Variants in PPP1R16B observed in about 807,000 individuals in gnomAD.
The protein encoded by PPP1R16B is protein phosphatase 1 regulatory inhibitor subunit 16B.
PPP1R16B carries 14 observed loss-of-function variants against 61.7 expected under a neutral mutation model. That is an observed-to-expected ratio of 0.23 (90% CI 0.15 to 0.35). The LOEUF is 0.35. Ranked by LOEUF, PPP1R16B falls within the 10% of genes least tolerant of loss-of-function variation. PPP1R16B has a pLI of 1.00. For missense variants in PPP1R16B, 547 were observed against 752.5 expected, an observed-to-expected ratio of 0.73 and a Z score of 3.19; for synonymous variants, 266 against 305.3, an observed-to-expected ratio of 0.87 and a Z score of 1.34.
chr20:38,828,301 G>A (rs1474857047), intron 1 of PPP1R16B, among the ~76,000 whole-genome samples: 1 of 152,168 alleles, frequency 6.6e-6, no homozygotes, highest in Non-Finnish European at 1.5e-5. Context: ...CAGGCCTGAA[G>A]AGCCAAGAAA....
intron 2 of PPP1R16B, among the ~76,000 whole-genome samples, chr20:38,845,315 C>T (rs141085072): frequency 1.1e-4 from 16 of 152,056 alleles, no homozygotes; most frequent in Non-Finnish European, 1.6e-4. Context: ...AATGTGGTGG[C>T]TCATGCCTGT....
rs1283809481 is a variant in PPP1R16B at position 38,923,009 on chromosome 20, A to G, written c.*4343A>G. Reference sequence around the variant, plus strand: ...AAGAGTTTTTAATTAAAATTATTAAATTCCTTTTAATAACACCTGCTAGTG... The same window carrying G: ...AAGAGTTTTTAATTAAAATTATTAAGTTCCTTTTAATAACACCTGCTAGTG... On this transcript the variant is annotated 3_prime_UTR_variant, in exon 11 of 11. Transcript: ENST00000299824. The G allele has an allele frequency of 6.6e-6, 1 of 152,226 alleles. No individual in the cohort carries two copies. The highest frequency in any genetic ancestry group is 1.5e-5 in the Non-Finnish European group (1 of 68,036). The allele number at this position is 152,226 out of a possible 1,614,324, so 9.4% of individuals were successfully genotyped here.
chr20:38,883,486 G>T (rs1475027521), intron 2 of PPP1R16B, among the ~76,000 whole-genome samples: 2 of 152,262 alleles, frequency 1.3e-5, no homozygotes, highest in African/African-American at 2.4e-5. Flanking sequence ...ATTCCAGCCA[G>T]ATTGCCAGGG....
At chr20:38,859,132 G>A (rs2085029393) in intron 2 of PPP1R16B, among the ~76,000 whole-genome samples, 1 of 152,206 alleles carries the variant, frequency 6.6e-6, no homozygotes, top group South Asian at 2.1e-4. Context: ...GATGGCAGGA[G>A]TTTGATGGTC....
At chr20:38,902,607 C>T (rs2085403874) in intron 5 of PPP1R16B, 61 bp from the exon 6 acceptor site, 1 of 1,607,468 alleles carries the variant, frequency 6.2e-7, no homozygotes. Flanking sequence ...ATCTGCCTTC[C>T]CCTGCCCTCT....
chr20:38,820,081 G>A (rs1214523647), intron 1 of PPP1R16B, among the ~76,000 whole-genome samples: 1 of 152,180 alleles, frequency 6.6e-6, no homozygotes, highest in African/African-American at 2.4e-5. Context: ...GTTTGCGAGA[G>A]TCATCCATAT....
At position 38,922,900 on chromosome 20, in the gene PPP1R16B, A is replaced by T. The variant is rs1328885071; in HGVS notation, c.*4234A>T. On this transcript the variant is annotated 3_prime_UTR_variant, in exon 11 of 11. Coordinates refer to ENST00000299824, the MANE Select transcript of PPP1R16B (RefSeq NM_015568.4). ...GGCACCGGTGGGCCTTGGGTCCAAA[A>T]CTGTGGCTCAGCCACATCCCAAAGG... 6.6e-6 allele frequency: 1 copy of T among 152,364 alleles called. No individual in the cohort carries two copies. The highest frequency in any genetic ancestry group is 1.5e-5 in the Non-Finnish European group (1 of 68,038). 9.4% of individuals were successfully genotyped at this position (152,364 alleles called of 1,614,324 possible). A position where few individuals can be genotyped will look rare whatever the true frequency, so the allele number is the denominator to read the frequency against.
At chr20:38,861,126 T>C (rs2085047156) in intron 2 of PPP1R16B, among the ~76,000 whole-genome samples, 1 of 152,214 alleles carries the variant, frequency 6.6e-6, no homozygotes, top group South Asian at 2.1e-4. Flanking sequence ...CAGAAGCAGC[T>C]GGGCCTGGAT....
chr20:38,840,005 C>G (rs561921183), intron 2 of PPP1R16B, among the ~76,000 whole-genome samples: 226 of 152,334 alleles, frequency 1.5e-3, no homozygotes, highest in Middle Eastern at 3.4e-3. Flanking sequence ...TATGGGGCAG[C>G]CAAGTGAGGG....
chr20:38,859,319 G>A (rs1369350297), intron 2 of PPP1R16B, among the ~76,000 whole-genome samples: 2 of 151,854 alleles, frequency 1.3e-5, no homozygotes, highest in East Asian at 3.9e-4. Context: ...GGTGGGGGAG[G>A]GTGTGTGAAA....
intron 2 of PPP1R16B, among the ~76,000 whole-genome samples, chr20:38,879,044 C>T (rs1265039027): frequency 1.3e-5 from 2 of 152,042 alleles, no homozygotes; most frequent in African/African-American, 2.4e-5. Context: ...CTCTGCGGAG[C>T]GGAAGGGAGA....
intron 1 of PPP1R16B, among the ~76,000 whole-genome samples, chr20:38,816,579 A>T (rs2084737047): frequency 6.6e-6 from 1 of 152,164 alleles, no homozygotes; most frequent in South Asian, 2.1e-4. Context: ...ACCTGGGGGG[A>T]ACCAAGCCTT....
intron 2 of PPP1R16B, among the ~76,000 whole-genome samples, chr20:38,882,880 G>A (rs2085213106): frequency 6.6e-6 from 1 of 152,214 alleles, no homozygotes; most frequent in Non-Finnish European, 1.5e-5. Flanking sequence ...GAAACAGTGT[G>A]TGCAAAGGCC....
chr20:38,859,312 G>A (rs796469516), intron 2 of PPP1R16B, among the ~76,000 whole-genome samples: 4 of 151,760 alleles, frequency 2.6e-5, no homozygotes, highest in African/African-American at 9.7e-5. Context: ...TTGGCGGGGT[G>A]GGGGAGGGTG....
chr20:38,869,155 A>ATT (rs11435986), intron 2 of PPP1R16B, among the ~76,000 whole-genome samples: 26 of 150,636 alleles, frequency 1.7e-4, no homozygotes, highest in South Asian at 4.2e-4. Flanking sequence ...TAGCCATTTT[A>ATT]TTTTTTTTTA....
rs571881036 is a variant in PPP1R16B, at chr20:38,856,939, T to A, written c.250+20764T>A. Among the ~76,000 whole-genome samples the A allele has an allele frequency of 4.6e-5, 7 of 152,342 alleles. No individual in the cohort carries two copies. In the East Asian group the frequency reaches 7.7e-4, roughly 17 times the overall value. Reference sequence around the variant, plus strand: ...CACTATTTAACAGCACTTAACAAGGTCTGGTTTGGGAGTGAAAGCTCAGGT... The same window carrying A: ...CACTATTTAACAGCACTTAACAAGGACTGGTTTGGGAGTGAAAGCTCAGGT... On this transcript the variant is annotated intron_variant, in intron 2 of 10. Transcript: ENST00000299824.
intron 1 of PPP1R16B, among the ~76,000 whole-genome samples, chr20:38,816,702 G>A (rs77740998): frequency 0.012 from 1,829 of 152,274 alleles, 17 homozygotes; most frequent in Middle Eastern, 0.024. Context: ...CTGAATCAGC[G>A]CTGTGGAATG....
intron 2 of PPP1R16B, among the ~76,000 whole-genome samples, chr20:38,853,579 G>C (rs2084983370): frequency 6.6e-6 from 1 of 152,222 alleles, no homozygotes; most frequent in African/African-American, 2.4e-5. Context: ...AGTCCTCCAG[G>C]TGAATCAGTG....
At chr20:38,854,193 C>T (rs982128072) in intron 2 of PPP1R16B, among the ~76,000 whole-genome samples, 1 of 152,208 alleles carries the variant, frequency 6.6e-6, no homozygotes, top group African/African-American at 2.4e-5. Flanking sequence ...GGACCAAACA[C>T]TGCCTCTCTC....
Sources: gnomAD v4.1 joint callset for allele counts (sites outside exome capture counted in the v4.1 genomes callset) on GRCh38, gnomAD v4.1.1 for gene constraint, MANE v1.5 for transcripts, NCBI Gene and HGNC (gene_info 2026-07-23, HGNC 2026-07-21) for gene names.